ERBB4: variants seen among roughly 807,000 people sequenced by gnomAD.
The protein encoded by ERBB4 is receptor tyrosine-protein kinase erbB-4.
A neutral mutation model predicts 158.0 loss-of-function variants in ERBB4; 42 were observed. The ratio of observed to expected loss-of-function variants is 0.27; its 90% CI spans 0.21 to 0.34. The LOEUF (loss-of-function observed/expected upper bound fraction) is 0.34. Ranked by LOEUF, ERBB4 falls within the 10% of genes least tolerant of loss-of-function variation. ERBB4 has a pLI of 1.00. For synonymous variants in ERBB4, 583 were observed against 558.7 expected (o/e 1.04, Z -0.61); for missense variants, 1,333 against 1,624.1 (o/e 0.82, Z 3.08).
chr2:212,415,495 A>C (rs997346363), intron 1 of ERBB4, among the ~76,000 whole-genome samples: 2 of 152,180 alleles, frequency 1.3e-5, no homozygotes, highest in African/African-American at 4.8e-5. Flanking sequence ...GTTAAAGGAA[A>C]TAGCATTTAG....
At chr2:211,847,560 AGGCCACATG>A in intron 3 of ERBB4, among the ~76,000 whole-genome samples, 1 of 152,296 alleles carries the variant, frequency 6.6e-6, no homozygotes, top group East Asian at 1.9e-4. Context: ...TGCAGTCCAC[AGGCCACATG>A]TGGCCCAGAA....
At chr2:211,697,585 G>A (rs2073071267) in intron 12 of ERBB4, among the ~76,000 whole-genome samples, 1 of 151,834 alleles carries the variant, frequency 6.6e-6, no homozygotes, top group Non-Finnish European at 1.5e-5. Context: ...AGGAGAAAAA[G>A]AACAACTCCC....
chr2:211,887,385 C>G (rs539160511), intron 3 of ERBB4, among the ~76,000 whole-genome samples: 91 of 152,028 alleles, frequency 6.0e-4, no homozygotes, highest in Middle Eastern at 6.8e-3. Context: ...CTGTTAGAAT[C>G]AAGATTTCAC....
chr2:212,014,503 A>G (rs1411646375), intron 2 of ERBB4, among the ~76,000 whole-genome samples: 2 of 151,930 alleles, frequency 1.3e-5, no homozygotes, highest in African/African-American at 4.8e-5. Flanking sequence ...GGTAGATGCT[A>G]AAAAAAATAG....
rs560153724 is a variant in ERBB4, at chr2:211,962,900, T to C, written c.235-15284A>G. ...GAATTTTCCCAAGTACTATATGAAC[T>C]TTCGGTTATCTGATGTTAAACTAAC... On this transcript the variant is annotated intron_variant, in intron 2 of 27. Coordinates refer to ENST00000342788, the MANE Select transcript of ERBB4 (RefSeq NM_005235.3). Among the ~76,000 whole-genome samples the C allele has an allele frequency of 2.6e-5, 4 of 152,272 alleles. No individual in the cohort carries two copies. The South Asian group carries it at 8.3e-4, about 32-fold the overall frequency.
At chr2:211,429,064 T>C (rs377193609) in intron 21 of ERBB4, among the ~76,000 whole-genome samples, 13 of 152,170 alleles carry the variant, frequency 8.5e-5, no homozygotes, top group African/African-American at 2.4e-4. Flanking sequence ...GTAAAAATAA[T>C]TAAGTGGGGA....
chr2:211,527,369 A>G (rs1317811379), intron 20 of ERBB4, among the ~76,000 whole-genome samples: 1 of 152,138 alleles, frequency 6.6e-6, no homozygotes, highest in Non-Finnish European at 1.5e-5. Context: ...TAAAGCATGA[A>G]GGAGAAATAG....
chr2:211,979,837 T>C (rs1453815116), intron 2 of ERBB4, among the ~76,000 whole-genome samples: 6 of 152,164 alleles, frequency 3.9e-5, no homozygotes, highest in Non-Finnish European at 7.4e-5. Context: ...CCTAACTCAA[T>C]AATGTTCATT....
At chr2:211,413,309 A>AAAAAAAAAACAAAAAAAC (rs1553524037) in intron 25 of ERBB4, among the ~76,000 whole-genome samples, 1 of 94,558 alleles carries the variant, frequency 1.1e-5, no homozygotes. Context: ...CTGTCTTAAA[A>AAAAAAAAAACAAAAAAAC]ACACACACAC....
intron 2 of ERBB4, among the ~76,000 whole-genome samples, chr2:212,083,254 G>GT (rs1261355620): frequency 6.6e-6 from 1 of 151,950 alleles, no homozygotes; most frequent in Non-Finnish European, 1.5e-5. Context: ...ATGTAATTCA[G>GT]TGTTTCATAA....
At chr2:212,314,102 T>G (rs1471987219) in intron 1 of ERBB4, among the ~76,000 whole-genome samples, 2 of 151,182 alleles carry the variant, frequency 1.3e-5, no homozygotes, top group African/African-American at 4.8e-5. Flanking sequence ...AATTTATCTT[T>G]CCCTAAAATG....
intron 1 of ERBB4, among the ~76,000 whole-genome samples, chr2:212,492,685 T>C (rs1197236224): frequency 6.6e-6 from 1 of 151,362 alleles, no homozygotes; most frequent in Non-Finnish European, 1.5e-5. Flanking sequence ...AGGTGTCAGG[T>C]ATGGAGAAAA....
At chr2:211,808,753 T>C (rs568666581) in intron 3 of ERBB4, among the ~76,000 whole-genome samples, 45 of 152,314 alleles carry the variant, frequency 3.0e-4, no homozygotes, top group African/African-American at 9.9e-4. Context: ...ATTCTTCCTA[T>C]CCATGAGCAT....
At chr2:212,415,971 C>G (rs73062330) in intron 1 of ERBB4, among the ~76,000 whole-genome samples, 3,542 of 152,114 alleles carry the variant, frequency 0.023, 135 homozygotes, top group African/African-American at 0.08. Context: ...ACATGAAGCC[C>G]CTTATTTCTT....
At chr2:212,425,410 GT>G (rs1560286020) in intron 1 of ERBB4, among the ~76,000 whole-genome samples, 81 of 147,468 alleles carry the variant, frequency 5.5e-4, no homozygotes, top group African/African-American at 1.2e-3. Context: ...ACATATATAT[GT>G]ATATACACAC....
chr2:212,308,968 C>G (rs1046155781), intron 1 of ERBB4, among the ~76,000 whole-genome samples: 2 of 150,854 alleles, frequency 1.3e-5, no homozygotes, highest in African/African-American at 4.8e-5. Flanking sequence ...AAAAAGTAAT[C>G]TCCCTTGAGG....
At chr2:211,993,318 C>G (rs2082123513) in intron 2 of ERBB4, among the ~76,000 whole-genome samples, 1 of 152,152 alleles carries the variant, frequency 6.6e-6, no homozygotes, top group Non-Finnish European at 1.5e-5. Context: ...GAAGACACGA[C>G]GAGAGGGCAG....
intron 1 of ERBB4, among the ~76,000 whole-genome samples, chr2:212,142,769 C>T (rs2080528701): frequency 6.6e-6 from 1 of 151,758 alleles, no homozygotes. Context: ...TCATGTGCTG[C>T]TGAGAGCTTT....
At chr2:211,901,538 G>A (rs546089826) in intron 3 of ERBB4, among the ~76,000 whole-genome samples, 1 of 152,170 alleles carries the variant, frequency 6.6e-6, no homozygotes, top group Non-Finnish European at 1.5e-5. Flanking sequence ...AATGACTACC[G>A]AAGGGTAACT....
Sources: allele counts gnomAD v4.1 joint callset (sites outside exome capture counted in the v4.1 genomes callset), GRCh38; gene constraint gnomAD v4.1.1; transcripts MANE v1.5; gene names NCBI Gene and HGNC (gene_info 2026-07-23, HGNC 2026-07-21).